The following NALCN variants were observed in gnomAD, a reference collection of about 807,000 sequenced individuals.
NALCN encodes sodium leak channel, non-selective, also known as sodium leak channel NALCN.
Under a neutral mutation model 225.3 loss-of-function variants are expected in NALCN, and 111 were observed. That is an observed-to-expected ratio of 0.49 (90% confidence interval 0.42 to 0.58). The LOEUF is 0.58. Ranked by LOEUF, NALCN falls within the 20% of genes least tolerant of loss-of-function variation. The pLI, the probability that NALCN is intolerant of heterozygous loss-of-function variation, is 0.00. For synonymous variants in NALCN, 764 were observed against 769.0 expected, an observed-to-expected ratio of 0.99 and a Z score of 0.11; for missense variants, 1,378 against 2,202.4, an observed-to-expected ratio of 0.63 and a Z score of 7.49.
At position 101,103,281 on chromosome 13, in the gene NALCN, T is replaced by C. The variant is rs1352002488; in HGVS notation, c.2948A>G (p.Gln983Arg). 6.2e-7 allele frequency: 1 copy of C among 1,613,832 alleles called. No homozygotes were observed. Among genetic ancestry groups the C allele is most frequent in the Non-Finnish European group, 8.5e-7 (1 of 1,179,880 alleles). Residue 983 changes from glutamine to arginine, a missense_variant, in exon 26 of 44, where the codon CAG becomes CGG. Coordinates refer to ENST00000251127, the MANE Select transcript of NALCN (RefSeq NM_052867.4). The stretch of plus-strand genomic sequence containing the variant: ...CAGGCACCGAAGGACCATTAGAAGC[T>C]GAGCTCCCGATTCAGCAGGTACATT... The part of the protein sequence containing the change: ...PQNVPAESGA[Q>R]LLMVLRCLRP...
chr13:101,398,182 C>T (rs1193970608), intron 2 of NALCN, among the ~76,000 whole-genome samples: 1 of 151,898 alleles, frequency 6.6e-6, no homozygotes, highest in African/African-American at 2.4e-5. Context: ...AAAGCAGAAG[C>T]GTGATGTGAA....
intron 11 of NALCN, among the ~76,000 whole-genome samples, chr13:101,252,322 G>A (rs538998153): frequency 6.6e-6 from 1 of 152,224 alleles, no homozygotes; most frequent in East Asian, 1.9e-4. Context: ...ATATCCATGT[G>A]AAATCTTTGC....
intron 6 of NALCN, among the ~76,000 whole-genome samples, chr13:101,370,836 G>T (rs976831387): frequency 6.6e-6 from 1 of 152,146 alleles, no homozygotes; most frequent in Non-Finnish European, 1.5e-5. Flanking sequence ...ATGTACAGAA[G>T]CACAGTCAAG....
intron 7 of NALCN, among the ~76,000 whole-genome samples, chr13:101,319,308 T>G (rs192356638): frequency 1.6e-4 from 25 of 152,318 alleles, no homozygotes; most frequent in Admixed American, 9.8e-4. Flanking sequence ...TCCCACCTAT[T>G]GTTCTTGGCC....
In NALCN at chr13:101,359,266, G is replaced by C. The variant is rs537074751; in HGVS notation, c.645-13846C>G. ...AAAAGTAGAAAATACTTATTTAACAGGATGGCATTTATTACCCAGAAAGTT... is the reference window on the plus strand; with the variant it reads ...AAAAGTAGAAAATACTTATTTAACACGATGGCATTTATTACCCAGAAAGTT... On this transcript the variant is annotated intron_variant, in intron 6 of 43. Coordinates refer to ENST00000251127, the MANE Select transcript of NALCN (RefSeq NM_052867.4). Among the ~76,000 whole-genome samples, 6 of 152,246 alleles carry C rather than the reference G, an allele frequency of 3.9e-5. No individual in the cohort carries two copies. In the East Asian group the frequency reaches 1.2e-3, roughly 29 times the overall value.
Position 101,107,566 on chromosome 13 carries a change from C to T in NALCN, c.2500G>A (p.Asp834Asn). ...CGCCCGACAATGAACAGTGGCTTAT[C>T]GAAGTATGGGTGGTTCTCTCTGAGT... ...EELRENHPYF[D>N]KPLFIVGREH... The change falls in exon 22 of 44, where the codon GAT (aspartate) becomes AAT (asparagine). Residue 834 changes from aspartate to asparagine, a missense_variant. Physicochemically the swap from Asp to Asn is conservative, Grantham distance 23 (BLOSUM62 1). Around this residue, in one of 19 missense-constraint regions of NALCN, gnomAD observed 292 missense variants for 409.5 expected, o/e 0.71. Coordinates refer to ENST00000251127, the MANE Select transcript of NALCN (RefSeq NM_052867.4). 1.2e-6 allele frequency: 2 copies of T among 1,614,092 alleles called. No individual in the cohort carries two copies. Among genetic ancestry groups the T allele is most frequent in the Non-Finnish European group, 1.7e-6 (2 of 1,179,992 alleles).
chr13:101,173,608 G>C (rs2038837905), intron 15 of NALCN, among the ~76,000 whole-genome samples: 1 of 152,136 alleles, frequency 6.6e-6, no homozygotes. Context: ...ATAGCTATGA[G>C]AATCTACATA....
chr13:101,356,246 T>G (rs1203002289), intron 6 of NALCN, among the ~76,000 whole-genome samples: 1 of 152,036 alleles, frequency 6.6e-6, no homozygotes, highest in Admixed American at 6.6e-5. Flanking sequence ...AAAAAATTAA[T>G]GAATTCAGGA....
intron 30 of NALCN, among the ~76,000 whole-genome samples, chr13:101,087,479 TA>T (rs57414633): frequency 0.018 from 2,588 of 142,806 alleles, 29 homozygotes; most frequent in South Asian, 0.056. Flanking sequence ...AGCTGCTTTC[TA>T]AAAAAAAAAA....
chr13:101,233,428 C>A (rs1221534894), intron 12 of NALCN, among the ~76,000 whole-genome samples: 1 of 151,708 alleles, frequency 6.6e-6, no homozygotes, highest in Admixed American at 6.6e-5. Context: ...GCAAGCTCCA[C>A]CTCCCGGGTT....
intron 13 of NALCN, among the ~76,000 whole-genome samples, chr13:101,194,462 G>A (rs2039810389): frequency 6.6e-6 from 1 of 152,186 alleles, no homozygotes; most frequent in Non-Finnish European, 1.5e-5. Context: ...TGCCTTATCA[G>A]TTTTGTGGAG....
At chr13:101,165,572 C>A (rs1490243850) in intron 15 of NALCN, among the ~76,000 whole-genome samples, 1 of 152,200 alleles carries the variant, frequency 6.6e-6, no homozygotes, top group Non-Finnish European at 1.5e-5. Flanking sequence ...TGGGCTCAAG[C>A]AATCCTTTCA....
intron 9 of NALCN, among the ~76,000 whole-genome samples, chr13:101,286,961 C>T (rs117997057): frequency 0.018 from 2,811 of 152,094 alleles, 43 homozygotes; most frequent in Non-Finnish European, 0.027. Flanking sequence ...CATATCTTCA[C>T]ATCAATAAAG....
chr13:101,204,265 A>T (rs1433179982), intron 13 of NALCN, among the ~76,000 whole-genome samples: 1 of 152,176 alleles, frequency 6.6e-6, no homozygotes, highest in Non-Finnish European at 1.5e-5. Flanking sequence ...TTAGGAGGAA[A>T]TAAAGTTGAA....
At chr13:101,350,310 C>A (rs1490420076) in intron 6 of NALCN, among the ~76,000 whole-genome samples, 1 of 152,130 alleles carries the variant, frequency 6.6e-6, no homozygotes, top group African/African-American at 2.4e-5. Flanking sequence ...GGCCTTCTCC[C>A]AGCTCCTGCC....
At chr13:101,065,009 C>T (rs181846638) in intron 40 of NALCN, among the ~76,000 whole-genome samples, 1 of 152,324 alleles carries the variant, frequency 6.6e-6, no homozygotes, top group African/African-American at 2.4e-5. Context: ...AGGTGCTCTG[C>T]ATGTTAGTCC....
intron 13 of NALCN, among the ~76,000 whole-genome samples, chr13:101,210,494 C>T (rs772734739): frequency 2.8e-4 from 43 of 152,002 alleles, no homozygotes; most frequent in Non-Finnish European, 3.2e-4. Flanking sequence ...AATAACTTGT[C>T]GGTTTGTCTT....
At position 101,203,777 on chromosome 13, in the gene NALCN, GT is replaced by G. The variant is rs1028879304; in HGVS notation, c.1627-11724del. ...TAATGACAGTCAATTGGAAAATTTT[GT>G]TTTTTTTACAATATACTTTCCAGTC... is the stretch of plus-strand genomic sequence containing the variant. On this transcript the variant is annotated intron_variant, in intron 13 of 43. Coordinates refer to ENST00000251127, the MANE Select transcript of NALCN (RefSeq NM_052867.4). Among the ~76,000 whole-genome samples, 238 of 151,780 alleles carry G rather than the reference GT, an allele frequency of 1.6e-3. 3 individuals are homozygous for G. Among genetic ancestry groups the G allele is most frequent in the Non-Finnish European group, 4.1e-4 (28 of 67,906 alleles).
chr13:101,372,131 A>T (rs369785605), intron 6 of NALCN, among the ~76,000 whole-genome samples: 1 of 152,156 alleles, frequency 6.6e-6, no homozygotes, highest in Non-Finnish European at 1.5e-5. Flanking sequence ...TCATGACGAT[A>T]AAAAGGTCAG....
Sources: gnomAD v4.1 joint callset for allele counts (sites outside exome capture counted in the v4.1 genomes callset) on GRCh38, gnomAD v4.1.1 for gene constraint, gnomAD v4.1.1 regional missense constraint, MANE v1.5 for transcripts, NCBI Gene and HGNC (gene_info 2026-07-23, HGNC 2026-07-21) for gene names.